The following NTNG1 variants were observed in gnomAD, a reference collection of about 807,000 sequenced individuals.
NTNG1 encodes the protein netrin-G1.
In NTNG1, 16 loss-of-function variants were observed where a neutral mutation model predicts 54.0. The observed-to-expected ratio is 0.30, with a 90% confidence interval of 0.20 to 0.45. The LOEUF is 0.45. Among genes scored for constraint, NTNG1 ranks in the 20% least tolerant of loss-of-function variants. The pLI is 1.00. For missense variants in NTNG1, 530 were observed against 678.7 expected (o/e 0.78, Z 2.43); for synonymous variants, 255 against 263.1 (o/e 0.97, Z 0.30).
At chr1:107,480,161 C>T (rs948673300) in intron 7 of NTNG1, among the ~76,000 whole-genome samples, 73 of 151,924 alleles carry the variant, frequency 4.8e-4, no homozygotes, top group African/African-American at 1.6e-3. Context: ...AATGGCCCAC[C>T]CCTTAGAGGT....
intron 3 of NTNG1, among the ~76,000 whole-genome samples, chr1:107,348,665 TA>T (rs915724910): frequency 2.0e-5 from 3 of 152,116 alleles, no homozygotes; most frequent in African/African-American, 7.2e-5. Flanking sequence ...TTAATTCAAA[TA>T]AACTGATTTC....
At chr1:107,329,573 T>C (rs1316690644) in intron 3 of NTNG1, among the ~76,000 whole-genome samples, 1 of 152,170 alleles carries the variant, frequency 6.6e-6, no homozygotes, top group Non-Finnish European at 1.5e-5. Context: ...TCCCTAAGTC[T>C]TTTTCCTAGC....
At chr1:107,220,032 T>A (rs770654712) in intron 2 of NTNG1, among the ~76,000 whole-genome samples, 6 of 152,092 alleles carry the variant, frequency 3.9e-5, no homozygotes, top group African/African-American at 1.4e-4. Context: ...GCATATCTGA[T>A]TTCTGACTCT....
Position 107,299,473 on chromosome 1 carries a change from T to C in NTNG1, c.247-24809T>C, listed in dbSNP as rs368998263. Among the ~76,000 whole-genome samples the C allele has an allele frequency of 5.4e-4, 82 of 152,316 alleles. 2 individuals are homozygous for C. In the South Asian group the frequency reaches 0.016, roughly 30 times the overall value. On this transcript the variant is annotated intron_variant, in intron 2 of 7. Coordinates refer to ENST00000370068, the MANE Select transcript of NTNG1 (RefSeq NM_001113226.3). ...TTATGAACTATAGAAATAACTATTA[T>C]TTTTTAGGCACTTGCTATCTGGTCA...
chr1:107,234,004 G>A (rs540924265), intron 2 of NTNG1, among the ~76,000 whole-genome samples: 83 of 152,148 alleles, frequency 5.5e-4, no homozygotes, highest in South Asian at 1.0e-3. Context: ...TTTATACCCC[G>A]GAGCCCTGGA....
rs577720362 is a variant in NTNG1, at chr1:107,451,422, C to T, written c.1390+14623C>T. Among the ~76,000 whole-genome samples, 11 of 152,084 alleles carry T rather than the reference C, an allele frequency of 7.2e-5. No homozygotes were observed. The South Asian group carries it at 8.3e-4, about 11-fold the overall frequency. The stretch of plus-strand genomic sequence containing the variant: ...AGTTAATACTTCTGCAGCCCTAACA[C>T]GGTTAACCAAAAATGTAAAAATGAG... On this transcript the variant is annotated intron_variant, in intron 7 of 7. Coordinates refer to ENST00000370068, the MANE Select transcript of NTNG1 (RefSeq NM_001113226.3).
chr1:107,220,572 T>C (rs1416027305), intron 2 of NTNG1, among the ~76,000 whole-genome samples: 1 of 152,244 alleles, frequency 6.6e-6, no homozygotes, highest in Non-Finnish European at 1.5e-5. Flanking sequence ...TCTGACTACC[T>C]GCCAGATCCT....
At chr1:107,431,421 A>C (rs1675258928) in intron 6 of NTNG1, among the ~76,000 whole-genome samples, 1 of 152,176 alleles carries the variant, frequency 6.6e-6, no homozygotes, top group African/African-American at 2.4e-5. Context: ...GAAATGTAAA[A>C]GTTTGTCTGA....
intron 7 of NTNG1, among the ~76,000 whole-genome samples, chr1:107,447,876 C>T (rs1283291129): frequency 1.3e-5 from 2 of 152,070 alleles, no homozygotes; most frequent in African/African-American, 4.8e-5. Context: ...CTGGCTATCA[C>T]ATTGCCCAAA....
At chr1:107,232,395 G>C (rs1208555482) in intron 2 of NTNG1, among the ~76,000 whole-genome samples, 3 of 152,130 alleles carry the variant, frequency 2.0e-5, no homozygotes, top group Non-Finnish European at 2.9e-5. Context: ...GAAACTCTGG[G>C]TCTTGTGCCT....
At chr1:107,230,474 G>A (rs1661000957) in intron 2 of NTNG1, among the ~76,000 whole-genome samples, 1 of 152,166 alleles carries the variant, frequency 6.6e-6, no homozygotes, top group South Asian at 2.1e-4. Flanking sequence ...AGTGGGTACA[G>A]TGCAGCTGGA....
chr1:107,239,098 G>A (rs567174632), intron 2 of NTNG1, among the ~76,000 whole-genome samples: 2 of 152,194 alleles, frequency 1.3e-5, no homozygotes, highest in East Asian at 1.9e-4. Context: ...ACAAGTCGGG[G>A]AGCAAATATA....
At chr1:107,221,558 G>T (rs1387924381) in intron 2 of NTNG1, among the ~76,000 whole-genome samples, 2 of 152,104 alleles carry the variant, frequency 1.3e-5, no homozygotes, top group African/African-American at 4.8e-5. Context: ...GGCTTTCTAG[G>T]TAGAGGGAAC....
chr1:107,360,074 C>T (rs1670174437), intron 3 of NTNG1, among the ~76,000 whole-genome samples: 1 of 152,162 alleles, frequency 6.6e-6, no homozygotes, highest in Non-Finnish European at 1.5e-5. Flanking sequence ...TTGTCTTATA[C>T]AGGGTCTGCT....
chr1:107,432,013 G>A (rs1000313421), intron 6 of NTNG1, among the ~76,000 whole-genome samples: 10 of 151,994 alleles, frequency 6.6e-5, no homozygotes, highest in African/African-American at 2.2e-4. Flanking sequence ...AATCAAATTG[G>A]GCCAAGTATA....
chr1:107,278,655 C>T (rs1664642410), intron 2 of NTNG1, among the ~76,000 whole-genome samples: 1 of 152,074 alleles, frequency 6.6e-6, no homozygotes, highest in Non-Finnish European at 1.5e-5. Context: ...AAGTTTTAGA[C>T]AATATGTACT....
chr1:107,156,709 C>T (rs1655025683), intron 2 of NTNG1, among the ~76,000 whole-genome samples: 1 of 152,128 alleles, frequency 6.6e-6, no homozygotes, highest in Admixed American at 6.6e-5. Flanking sequence ...TTTAGGGCTG[C>T]ATTCCTGTGT....
intron 7 of NTNG1, among the ~76,000 whole-genome samples, chr1:107,438,185 C>T (rs2101391314): frequency 6.6e-6 from 1 of 152,092 alleles, no homozygotes; most frequent in Non-Finnish European, 1.5e-5. Flanking sequence ...AAGTGAAATG[C>T]CATGGGCAGC....
intron 3 of NTNG1, among the ~76,000 whole-genome samples, chr1:107,358,664 G>GA: frequency 6.8e-6 from 1 of 146,660 alleles, no homozygotes; most frequent in Non-Finnish European, 1.5e-5. Context: ...AATCATTCCA[G>GA]GAAAAAAAAA....
Sources: allele counts gnomAD v4.1 joint callset (sites outside exome capture counted in the v4.1 genomes callset), GRCh38; gene constraint gnomAD v4.1.1; transcripts MANE v1.5; gene names NCBI Gene and HGNC (gene_info 2026-07-23, HGNC 2026-07-21).